The following ABCC4 variants were observed in gnomAD, a reference collection of about 807,000 sequenced individuals.
ABCC4 encodes ATP binding cassette subfamily C member 4 (PEL blood group).
ABCC4 carries 102 observed loss-of-function variants against 168.5 expected under a neutral mutation model. That is an observed-to-expected ratio of 0.61 (90% CI 0.52 to 0.71). The LOEUF (loss-of-function observed/expected upper bound fraction) is 0.71. Among genes scored for constraint, ABCC4 ranks in the 30% least tolerant of loss-of-function variants. The probability of loss-of-function intolerance (pLI) is 0.00; values close to 1 mark genes in which losing one functional copy is unlikely to be tolerated. For synonymous variants in ABCC4, 617 were observed against 590.7 expected (o/e 1.04, Z -0.65); for missense variants, 1,402 against 1,605.8 (o/e 0.87, Z 2.17).
chr13:95,043,461 CAT>C (rs2032445605), intron 29 of ABCC4: 1 of 451,260 alleles, frequency 2.2e-6, no homozygotes, highest in Non-Finnish European at 3.9e-6. Flanking sequence ...AAACTTTTAA[CAT>C]ATGATTTTTG....
intron 8 of ABCC4, among the ~76,000 whole-genome samples, chr13:95,197,012 C>T (rs938415864): frequency 2.0e-5 from 3 of 152,142 alleles, no homozygotes; most frequent in South Asian, 2.1e-4. Context: ...GTATTAATCC[C>T]ACCCTGTCTT....
intron 4 of ABCC4, among the ~76,000 whole-genome samples, chr13:95,224,404 G>C (rs2039397353): frequency 6.6e-6 from 1 of 152,016 alleles, no homozygotes. Context: ...TCAGATTAAA[G>C]AACAAAATGA....
At chr13:95,037,084 C>CAAAAAAAA (rs57294033) in intron 29 of ABCC4, among the ~76,000 whole-genome samples, 25 of 105,834 alleles carry the variant, frequency 2.4e-4, no homozygotes, top group African/African-American at 5.8e-4. Context: ...ACTCTGTGTC[C>CAAAAAAAA]AAAAAAAAAA....
chr13:95,192,291 C>G (rs999090248), intron 9 of ABCC4, among the ~76,000 whole-genome samples: 1 of 152,064 alleles, frequency 6.6e-6, no homozygotes, highest in Non-Finnish European at 1.5e-5. Context: ...TCTCCAGAAG[C>G]CCGTGTCTGT....
chr13:95,069,540 C>T lies in ABCC4; in HGVS notation c.3210+2122G>A, dbSNP rs146161791. 2.4e-3 allele frequency among the ~76,000 whole-genome samples: 363 copies of T among 152,164 alleles called. 1 individual carries two copies. Among genetic ancestry groups the T allele is most frequent in the African/African-American group, 6.3e-3 (260 of 41,500 alleles). Reference sequence around the variant, plus strand: ...AAATACATTCATGTTGTTGGGCAACCGTCACCATCATCCATCTCTAAAACT... The same window carrying T: ...AAATACATTCATGTTGTTGGGCAACTGTCACCATCATCCATCTCTAAAACT... On this transcript the variant is annotated intron_variant, in intron 25 of 30. Transcript: ENST00000645237.
intron 20 of ABCC4, among the ~76,000 whole-genome samples, chr13:95,094,310 T>C (rs936928646): frequency 1.3e-5 from 2 of 152,188 alleles, no homozygotes; most frequent in Non-Finnish European, 2.9e-5. Context: ...CAAAACAGCA[T>C]GGTACTGGTA....
chr13:95,022,534 C>A (rs1031504118), intron 30 of ABCC4, among the ~76,000 whole-genome samples: 1 of 152,162 alleles, frequency 6.6e-6, no homozygotes, highest in Non-Finnish European at 1.5e-5. Context: ...AATGTCAAGA[C>A]TTGTGAGCTC....
chr13:95,063,837 C>T (rs1422410523), intron 25 of ABCC4, among the ~76,000 whole-genome samples: 1 of 152,236 alleles, frequency 6.6e-6, no homozygotes, highest in African/African-American at 2.4e-5. Flanking sequence ...CTGGCCTCTG[C>T]ACCAATGACC....
At chr13:95,149,511 T>A (rs1332816936) in intron 19 of ABCC4, among the ~76,000 whole-genome samples, 1 of 152,160 alleles carries the variant, frequency 6.6e-6, no homozygotes, top group Non-Finnish European at 1.5e-5. Context: ...ATAAATTTTA[T>A]GCGCCCAGGC....
intron 1 of ABCC4, among the ~76,000 whole-genome samples, chr13:95,298,934 C>G (rs2041605373): frequency 1.3e-5 from 2 of 152,006 alleles, no homozygotes; most frequent in South Asian, 4.2e-4. Context: ...TTCCTATTTC[C>G]CTGCCACCTA....
chr13:95,207,380 G>GC (rs1326619595), intron 7 of ABCC4, among the ~76,000 whole-genome samples: 2 of 152,298 alleles, frequency 1.3e-5, no homozygotes, highest in South Asian at 4.1e-4. Flanking sequence ...TTCCATGCCT[G>GC]TTTGGAATGA....
In ABCC4 at chr13:95,091,865, G is replaced by A. The variant is rs575358646; in HGVS notation, c.2536-8575C>T. Reference sequence around the variant, plus strand: ...AATTGCCTAAATGCTCCACTTAAAAGATACAGAAGTGCAGAATGGATAAAA... The same window carrying A: ...AATTGCCTAAATGCTCCACTTAAAAAATACAGAAGTGCAGAATGGATAAAA... On this transcript the variant is annotated intron_variant, in intron 20 of 30. Transcript: ENST00000645237. Among the ~76,000 whole-genome samples the A allele has an allele frequency of 2.1e-4, 32 of 152,212 alleles. No individual in the cohort carries two copies. In the East Asian group the frequency reaches 6.0e-3, roughly 28 times the overall value.
chr13:95,085,072 C>T, intron 20 of ABCC4, among the ~76,000 whole-genome samples: 1 of 152,202 alleles, frequency 6.6e-6, no homozygotes. Context: ...GTTATACATG[C>T]TCTGAGGCCT....
chr13:95,094,760 C>G (rs908854696), intron 20 of ABCC4, among the ~76,000 whole-genome samples: 2 of 152,080 alleles, frequency 1.3e-5, no homozygotes, highest in Non-Finnish European at 2.9e-5. Context: ...TAAATCTTCA[C>G]AATCTATACA....
chr13:95,197,055 G>C (rs2038476632), intron 8 of ABCC4, among the ~76,000 whole-genome samples: 1 of 152,110 alleles, frequency 6.6e-6, no homozygotes, highest in African/African-American at 2.4e-5. Flanking sequence ...ATCCTGCTGG[G>C]AACCAGCTCA....
At chr13:95,106,975 G>C (rs2035029255) in intron 20 of ABCC4, among the ~76,000 whole-genome samples, 1 of 152,162 alleles carries the variant, frequency 6.6e-6, no homozygotes, top group Non-Finnish European at 1.5e-5. Flanking sequence ...AGAGTATTCA[G>C]GCTGGGCGTG....
In ABCC4 at chr13:95,207,831, A is replaced by G. The variant is rs1209848839; in HGVS notation, c.880T>C (p.Ser294Pro). ...RIIKMYAWEK[S>P]FSNLITNLRK... The stretch of plus-strand genomic sequence containing the variant: ...AAATTGGTAATAAGATTTGAAAATG[A>G]CTTTTCCCAGGCGTACATTTTTATT... The change falls in exon 7 of 31, where the codon TCA (serine) becomes CCA (proline). Residue 294 changes from serine (S) to proline (P), a missense_variant. By Grantham distance (74) the Ser-to-Pro change is moderately conservative. Around this residue, in one of 3 missense-constraint regions of ABCC4, gnomAD observed 78 missense variants for 133.0 expected, o/e 0.59. Transcript: ENST00000645237. The G allele has an allele frequency of 6.2e-7, 1 of 1,613,132 alleles. No homozygotes were observed. Among genetic ancestry groups the G allele is most frequent in the African/African-American group, 1.3e-5 (1 of 74,892 alleles).
chr13:95,060,529 A>G (rs2033247232), intron 26 of ABCC4, among the ~76,000 whole-genome samples: 1 of 152,218 alleles, frequency 6.6e-6, no homozygotes. Flanking sequence ...CATGCCCATT[A>G]TCTCTGCTAA....
intron 13 of ABCC4, among the ~76,000 whole-genome samples, chr13:95,171,903 C>T (rs1374385483): frequency 6.6e-6 from 1 of 151,992 alleles, no homozygotes; most frequent in African/African-American, 2.4e-5. Context: ...GTACTTATAC[C>T]CCTCTTCAGG....
Sources: allele counts gnomAD v4.1 joint callset (sites outside exome capture counted in the v4.1 genomes callset), GRCh38; gene constraint gnomAD v4.1.1; regional missense constraint gnomAD v4.1.1; transcripts MANE v1.5; gene names NCBI Gene and HGNC (gene_info 2026-07-23, HGNC 2026-07-21).